Variants in LRRC4C observed in about 807,000 individuals in gnomAD.
LRRC4C encodes leucine-rich repeat-containing protein 4C.
A neutral mutation model predicts 33.6 loss-of-function variants in LRRC4C; 5 were observed. The ratio of observed to expected loss-of-function variants is 0.15; its 90% CI spans 0.08 to 0.31. The LOEUF (loss-of-function observed/expected upper bound fraction) is 0.31, where lower values mean the gene tolerates loss of function less well. Among genes scored for constraint, LRRC4C ranks in the 10% least tolerant of loss-of-function variants. The pLI is 1.00. For missense variants in LRRC4C, 560 were observed against 796.7 expected (o/e 0.70, Z 3.58); for synonymous variants, 329 against 302.0 (o/e 1.09, Z -0.93).
At chr11:41,193,125 T>C (rs1408198376) in intron 1 of LRRC4C, among the ~76,000 whole-genome samples, 1 of 152,132 alleles carries the variant, frequency 6.6e-6, no homozygotes, top group Non-Finnish European at 1.5e-5. Flanking sequence ...AAAATATAAA[T>C]ACTAGCTACC....
chr11:40,919,210 C>T (rs1957078297), intron 2 of LRRC4C, among the ~76,000 whole-genome samples: 1 of 152,036 alleles, frequency 6.6e-6, no homozygotes. Flanking sequence ...TTGGAAGGGA[C>T]CTAAAAGCTA....
In LRRC4C at chr11:40,463,032, C is replaced by T. The variant is rs147368335; in HGVS notation, c.-269-143311G>A. The stretch of plus-strand genomic sequence containing the variant: ...TCACCAACAAGTCCTACGATTCATT[C>T]TCTGCTGGCTTCAATTAGCTCTGTG... On this transcript the variant is annotated intron_variant, in intron 3 of 6. Coordinates refer to ENST00000528697, the MANE Select transcript of LRRC4C (RefSeq NM_001258419.2). Among the ~76,000 whole-genome samples, 527 of 152,176 alleles carry T rather than the reference C, an allele frequency of 3.5e-3. 3 individuals carry two copies. Among genetic ancestry groups the T allele is most frequent in the Non-Finnish European group, 5.2e-3 (356 of 68,002 alleles).
intron 2 of LRRC4C, among the ~76,000 whole-genome samples, chr11:40,736,763 A>G (rs769574496): frequency 6.6e-5 from 10 of 151,924 alleles, no homozygotes; most frequent in African/African-American, 1.7e-4. Flanking sequence ...TGAATGACCA[A>G]TGATGATGAG....
chr11:41,038,209 T>C (rs760558774), intron 1 of LRRC4C, among the ~76,000 whole-genome samples: 1 of 152,178 alleles, frequency 6.6e-6, no homozygotes, highest in Non-Finnish European at 1.5e-5. Flanking sequence ...ATATAGTCTC[T>C]GAGAACAATT....
In LRRC4C at chr11:41,211,342, T is replaced by C. The variant is rs181278808; in HGVS notation, c.-496+248089A>G. Among the ~76,000 whole-genome samples, 361 of 152,230 alleles carry C rather than the reference T, an allele frequency of 2.4e-3. 1 individual carries two copies. Among genetic ancestry groups the C allele is most frequent in the Non-Finnish European group, 3.4e-3 (230 of 68,002 alleles). On this transcript the variant is annotated intron_variant, in intron 1 of 6. Coordinates refer to ENST00000528697, the MANE Select transcript of LRRC4C (RefSeq NM_001258419.2). ...TTTTATTCATTTATTTTTATTTTTG[T>C]ATTATACTTTAAGTTCTAGGGTACA... is the stretch of plus-strand genomic sequence containing the variant.
At chr11:41,095,923 T>G (rs1422169948) in intron 1 of LRRC4C, among the ~76,000 whole-genome samples, 1 of 152,198 alleles carries the variant, frequency 6.6e-6, no homozygotes, top group Non-Finnish European at 1.5e-5. Flanking sequence ...CACACATATG[T>G]TAACTCCCGC....
At chr11:40,378,601 G>A (rs1159130138) in intron 3 of LRRC4C, among the ~76,000 whole-genome samples, 1 of 152,024 alleles carries the variant, frequency 6.6e-6, no homozygotes, top group African/African-American at 2.4e-5. Context: ...AGATTGGATA[G>A]CTTTGTGGAG....
intron 1 of LRRC4C, among the ~76,000 whole-genome samples, chr11:41,306,845 C>A (rs1950518529): frequency 6.6e-6 from 1 of 152,124 alleles, no homozygotes; most frequent in Non-Finnish European, 1.5e-5. Context: ...TAAGTAGTTG[C>A]TTATCTAGTA....
intron 1 of LRRC4C, among the ~76,000 whole-genome samples, chr11:41,368,040 A>G (rs1356702466): frequency 1.3e-5 from 2 of 152,172 alleles, no homozygotes; most frequent in East Asian, 3.9e-4. Context: ...ATTACTTTCA[A>G]TGTGATAAGC....
At chr11:40,782,484 C>T (rs1397230533) in intron 2 of LRRC4C, among the ~76,000 whole-genome samples, 1 of 151,614 alleles carries the variant, frequency 6.6e-6, no homozygotes, top group Non-Finnish European at 1.5e-5. Flanking sequence ...TCTTTATTAG[C>T]AGCCACAAAA....
chr11:41,385,364 C>A (rs1354642045), intron 1 of LRRC4C, among the ~76,000 whole-genome samples: 3 of 151,512 alleles, frequency 2.0e-5, no homozygotes, highest in African/African-American at 7.2e-5. Flanking sequence ...TACTGGGCCA[C>A]AAAACAACAA....
chr11:41,196,590 C>A (rs1417064373), intron 1 of LRRC4C, among the ~76,000 whole-genome samples: 3 of 151,888 alleles, frequency 2.0e-5, no homozygotes, highest in African/African-American at 7.3e-5. Context: ...TTAATTTGGG[C>A]AGTTCTATAA....
At chr11:40,791,874 A>C (rs556590365) in intron 2 of LRRC4C, among the ~76,000 whole-genome samples, 8 of 152,284 alleles carry the variant, frequency 5.3e-5, no homozygotes, top group African/African-American at 1.9e-4. Flanking sequence ...AGGAGGTGAT[A>C]CAATTCAGGA....
chr11:40,389,032 G>T (rs1949228655), intron 3 of LRRC4C, among the ~76,000 whole-genome samples: 1 of 152,146 alleles, frequency 6.6e-6, no homozygotes, highest in Non-Finnish European at 1.5e-5. Context: ...AAGAGCTGAA[G>T]ATTGTTGTCA....
At chr11:40,580,257 G>T (rs1565524403) in intron 3 of LRRC4C, among the ~76,000 whole-genome samples, 1 of 152,138 alleles carries the variant, frequency 6.6e-6, no homozygotes, top group Non-Finnish European at 1.5e-5. Flanking sequence ...ATGGTGGAAG[G>T]TGAAGGGGAA....
At chr11:40,275,393 A>G (rs1044399979) in intron 4 of LRRC4C, among the ~76,000 whole-genome samples, 38 of 152,296 alleles carry the variant, frequency 2.5e-4, no homozygotes, top group Non-Finnish European at 5.3e-4. Flanking sequence ...AACATCTTGC[A>G]CACATGAGCA....
chr11:40,927,946 C>A (rs1465714411), intron 2 of LRRC4C, among the ~76,000 whole-genome samples: 2 of 152,038 alleles, frequency 1.3e-5, no homozygotes, highest in African/African-American at 4.8e-5. Context: ...TCTTCACTTA[C>A]TTTTAGTAAT....
At chr11:41,100,334 G>T (rs570700080) in intron 1 of LRRC4C, among the ~76,000 whole-genome samples, 5 of 152,010 alleles carry the variant, frequency 3.3e-5, no homozygotes, top group Non-Finnish European at 7.4e-5. Flanking sequence ...TGGGAGGCCC[G>T]AGGTGGGTGG....
chr11:41,001,788 G>A (rs758969255), intron 1 of LRRC4C, among the ~76,000 whole-genome samples: 2 of 151,920 alleles, frequency 1.3e-5, no homozygotes, highest in African/African-American at 2.4e-5. Context: ...ATTAGGCAAT[G>A]CCCTATTTGA....
Sources: allele counts gnomAD v4.1 joint callset (sites outside exome capture counted in the v4.1 genomes callset), GRCh38; gene constraint gnomAD v4.1.1; transcripts MANE v1.5; gene names NCBI Gene and HGNC (gene_info 2026-07-23, HGNC 2026-07-21).